Variants in CAMTA1 observed in about 807,000 individuals in gnomAD.
The protein encoded by CAMTA1 is calmodulin-binding transcription activator 1.
CAMTA1 carries 27 observed loss-of-function variants against 170.9 expected under a neutral mutation model. That is an observed-to-expected ratio of 0.16 (90% CI 0.12 to 0.22). The LOEUF is 0.22. CAMTA1 is among the 10% of genes least tolerant of loss of function. The pLI, the probability that CAMTA1 is intolerant of heterozygous loss-of-function variation, is 1.00. For synonymous variants in CAMTA1, 833 were observed against 891.5 expected, an observed-to-expected ratio of 0.93 and a Z score of 1.17; for missense variants, 1,619 against 2,217.2, an observed-to-expected ratio of 0.73 and a Z score of 5.42.
intron 7 of CAMTA1, among the ~76,000 whole-genome samples, chr1:7,654,831 T>G (rs2095872742): frequency 8.2e-6 from 1 of 122,408 alleles, no homozygotes; most frequent in African/African-American, 3.2e-5. Context: ...CACACCCCTA[T>G]ACACACGAAC....
intron 6 of CAMTA1, among the ~76,000 whole-genome samples, chr1:7,596,325 T>C (rs2095399430): frequency 6.6e-6 from 1 of 152,192 alleles, no homozygotes; most frequent in Non-Finnish European, 1.5e-5. Flanking sequence ...AGAGGGCAGC[T>C]CCATGCCAGG....
At chr1:7,491,941 C>T (rs1460385862) in intron 6 of CAMTA1, among the ~76,000 whole-genome samples, 1 of 152,198 alleles carries the variant, frequency 6.6e-6, no homozygotes, top group African/African-American at 2.4e-5. Flanking sequence ...GTGTCCACAG[C>T]TCTGGCCAGC....
chr1:7,346,442 G>A (rs1247711689), intron 5 of CAMTA1, among the ~76,000 whole-genome samples: 1 of 152,118 alleles, frequency 6.6e-6, no homozygotes, highest in Non-Finnish European at 1.5e-5. Flanking sequence ...AGCAAGAAAA[G>A]GCCCAGAATT....
chr1:7,361,663 G>C (rs1367034896), intron 5 of CAMTA1, among the ~76,000 whole-genome samples: 2 of 152,160 alleles, frequency 1.3e-5, no homozygotes, highest in African/African-American at 4.8e-5. Context: ...ATATTAACCT[G>C]GAAGGTTGGG....
intron 3 of CAMTA1, among the ~76,000 whole-genome samples, chr1:6,925,617 C>T (rs1021854670): frequency 5.9e-5 from 9 of 152,136 alleles, no homozygotes; most frequent in Non-Finnish European, 1.2e-4. Context: ...CTCTGCCCTC[C>T]AGCCACTCCT....
intron 6 of CAMTA1, among the ~76,000 whole-genome samples, chr1:7,476,545 C>A (rs1218735591): frequency 6.6e-6 from 1 of 152,142 alleles, no homozygotes; most frequent in Non-Finnish European, 1.5e-5. Context: ...TGAGGGGTCC[C>A]AGTTCCCATG....
chr1:7,409,462 G>A (rs2090546329), intron 5 of CAMTA1, among the ~76,000 whole-genome samples: 3 of 152,218 alleles, frequency 2.0e-5, no homozygotes, highest in South Asian at 2.1e-4. Context: ...AGCCTGGCCA[G>A]TGGGAAATGA....
At chr1:7,243,921 A>G (rs1665321723) in intron 4 of CAMTA1, among the ~76,000 whole-genome samples, 1 of 152,258 alleles carries the variant, frequency 6.6e-6, no homozygotes, top group Admixed American at 6.5e-5. Flanking sequence ...GCTTCTGCAC[A>G]GCAAAAGAAA....
chr1:6,995,882 A>G (rs1697179723), intron 3 of CAMTA1, among the ~76,000 whole-genome samples: 1 of 152,216 alleles, frequency 6.6e-6, no homozygotes, highest in African/African-American at 2.4e-5. Context: ...AAGACTGGCT[A>G]GTTCAAACAA....
intron 6 of CAMTA1, among the ~76,000 whole-genome samples, chr1:7,579,248 C>T (rs10495757): frequency 0.043 from 6,542 of 152,340 alleles, 477 homozygotes; most frequent in African/African-American, 0.15. Flanking sequence ...GACACTTTGA[C>T]CATTGCATGG....
At chr1:7,083,390 G>C (rs1640286241) in intron 3 of CAMTA1, among the ~76,000 whole-genome samples, 2 of 152,234 alleles carry the variant, frequency 1.3e-5, no homozygotes, top group African/African-American at 4.8e-5. Flanking sequence ...TTGATGGCAA[G>C]AGTTGGTCAT....
At chr1:7,132,356 C>G (rs1366264892) in intron 4 of CAMTA1, among the ~76,000 whole-genome samples, 4 of 152,078 alleles carry the variant, frequency 2.6e-5, no homozygotes, top group African/African-American at 9.7e-5. Context: ...CTCACTGCAG[C>G]CTTGAACTCC....
At chr1:7,148,425 T>TC (rs57480682) in intron 4 of CAMTA1, among the ~76,000 whole-genome samples, 24 of 147,612 alleles carry the variant, frequency 1.6e-4, no homozygotes, top group African/African-American at 5.5e-4. Context: ...ATCCACCCCC[T>TC]CCCCCCCCGC....
At chr1:6,926,736 C>CT (rs973703132) in intron 3 of CAMTA1, among the ~76,000 whole-genome samples, 130 of 132,526 alleles carry the variant, frequency 9.8e-4, no homozygotes, top group Admixed American at 1.8e-3. Flanking sequence ...TTCTTTCTTT[C>CT]TTTTTTTTTT....
At chr1:7,309,716 T>C (rs1395141425) in intron 5 of CAMTA1, among the ~76,000 whole-genome samples, 1 of 152,140 alleles carries the variant, frequency 6.6e-6, no homozygotes, top group Non-Finnish European at 1.5e-5. Context: ...ACTATATCTC[T>C]TTGTATAGTT....
chr1:7,612,899 C>G (rs1576397940), intron 6 of CAMTA1, among the ~76,000 whole-genome samples: 1 of 152,206 alleles, frequency 6.6e-6, no homozygotes, highest in Non-Finnish European at 1.5e-5. Flanking sequence ...AGATTCTGGG[C>G]CTCAATTCCC....
At chr1:7,174,886 G>C (rs939405216) in intron 4 of CAMTA1, among the ~76,000 whole-genome samples, 2 of 152,222 alleles carry the variant, frequency 1.3e-5, no homozygotes, top group Non-Finnish European at 2.9e-5. Context: ...TTTCCCTGCT[G>C]TGTGTCTAAG....
At chr1:7,515,197 C>A (rs934245340) in intron 6 of CAMTA1, among the ~76,000 whole-genome samples, 1 of 152,160 alleles carries the variant, frequency 6.6e-6, no homozygotes, top group Admixed American at 6.5e-5. Context: ...TGGTCCTCCC[C>A]GGCTGCCTCC....
At position 7,007,365 on chromosome 1, in the gene CAMTA1, G is replaced by A. The variant is rs1699152318; in HGVS notation, c.235-83939G>A. 1.3e-5 allele frequency among the ~76,000 whole-genome samples: 2 copies of A among 152,218 alleles called. No homozygotes were observed. The highest frequency in any genetic ancestry group is 1.3e-4 in the Admixed American group (2 of 15,286). On this transcript the variant is annotated intron_variant, in intron 3 of 22. Coordinates refer to ENST00000303635, the MANE Select transcript of CAMTA1 (RefSeq NM_015215.4). This position sits in a 1 kb window ranked among gnomAD's most constrained non-coding sequence, Gnocchi z 4.5. ...AATGGGAACCCTTGCTAAGGACACA[G>A]GCAGCTGTACGCCAGAGCCTGTGGG...
Sources: allele counts gnomAD v4.1 joint callset (sites outside exome capture counted in the v4.1 genomes callset), GRCh38; gene constraint gnomAD v4.1.1; non-coding constraint Gnocchi (gnomAD v3.1); transcripts MANE v1.5; gene names NCBI Gene and HGNC (gene_info 2026-07-23, HGNC 2026-07-21).